Variants in NT5DC3 observed in about 807,000 individuals in gnomAD.
NT5DC3 encodes the protein 5'-nucleotidase domain-containing protein 3.
Under a neutral mutation model 67.8 loss-of-function variants are expected in NT5DC3, and 42 were observed. That is an observed-to-expected ratio of 0.62 (90% confidence interval 0.48 to 0.80). NT5DC3 has a LOEUF of 0.80. Among genes scored for constraint, NT5DC3 ranks in the 30% least tolerant of loss-of-function variants. NT5DC3 has a pLI of 0.00. For missense variants in NT5DC3, 570 were observed against 696.4 expected (o/e 0.82, Z 2.04); for synonymous variants, 237 against 255.6 (o/e 0.93, Z 0.69).
chr12:103,763,335 G>A, the NT5DC3 span: 1 of 652,378 alleles, frequency 1.5e-6, no homozygotes, highest in South Asian at 1.8e-5. Context: ...TCTAAAGGTT[G>A]GTAAATTTTA....
chr12:103,764,332 G>A, the NT5DC3 span, among the ~76,000 whole-genome samples: 3 of 152,164 alleles, frequency 2.0e-5, no homozygotes, highest in African/African-American at 7.2e-5. Context: ...CTGCTTTCTT[G>A]CTTTTGGAGC....
intron 5 of NT5DC3, among the ~76,000 whole-genome samples, chr12:103,797,384 C>T (rs1886364844): frequency 2.6e-5 from 4 of 151,436 alleles, no homozygotes; most frequent in Non-Finnish European, 5.9e-5. Context: ...GCAGGAGAAT[C>T]GCTTGAACCC....
At chr12:103,752,863 A>G in the NT5DC3 span, among the ~76,000 whole-genome samples, 1 of 152,240 alleles carries the variant, frequency 6.6e-6, no homozygotes, top group Non-Finnish European at 1.5e-5. Flanking sequence ...AAAGAATGTC[A>G]AATTATATCA....
chr12:103,810,202 C>A (rs558046484), intron 2 of NT5DC3, among the ~76,000 whole-genome samples: 2 of 152,170 alleles, frequency 1.3e-5, no homozygotes, highest in South Asian at 4.1e-4. Flanking sequence ...CTCTTCTAGT[C>A]GAACCATTTT....
the NT5DC3 span, among the ~76,000 whole-genome samples, chr12:103,764,845 C>A: frequency 1.3e-5 from 2 of 151,920 alleles, no homozygotes; most frequent in African/African-American, 4.8e-5. Flanking sequence ...TGCGTGTAAT[C>A]CCAGCACTTT....
the NT5DC3 span, among the ~76,000 whole-genome samples, chr12:103,763,083 G>GA: frequency 6.6e-6 from 1 of 152,224 alleles, no homozygotes; most frequent in Non-Finnish European, 1.5e-5. Flanking sequence ...AAGCTCCAGG[G>GA]AAAATCTCAA....
rs77512214 is a variant in NT5DC3 at position 103,806,398 on chromosome 12, G to A, written c.469-21C>T. ...ACTGCCTTTAAAAACATAAACATAT[G>A]CACATGTAAATAATGTATGACTATT... On this transcript the variant is annotated intron_variant, in intron 3 of 13. Coordinates refer to ENST00000392876, the MANE Select transcript of NT5DC3 (RefSeq NM_001031701.3). 1.7e-3 allele frequency: 2,638 copies of A among 1,534,650 alleles called. 29 individuals are homozygous for A. The African/African-American group carries it at 0.027, about 16-fold the overall frequency.
the NT5DC3 span, chr12:103,753,172 G>A: frequency 6.2e-7 from 1 of 1,605,948 alleles, no homozygotes; most frequent in South Asian, 1.1e-5. Context: ...TGGAAACACT[G>A]CCAACCTGGT....
intron 1 of NT5DC3, among the ~76,000 whole-genome samples, chr12:103,833,469 T>A (rs1192643538): frequency 6.6e-6 from 1 of 152,166 alleles, no homozygotes; most frequent in African/African-American, 2.4e-5. Context: ...GAATTATTAT[T>A]ATCCTTGTGT....
intron 11 of NT5DC3, 146 bp from the exon 12 acceptor site, chr12:103,785,621 A>G: frequency 3.6e-6 from 3 of 835,100 alleles, no homozygotes; most frequent in Non-Finnish European, 5.9e-6. Flanking sequence ...AATGAATTAC[A>G]TTTAATTAAA....
chr12:103,752,516 G>A, the NT5DC3 span, among the ~76,000 whole-genome samples: 4 of 152,164 alleles, frequency 2.6e-5, no homozygotes, highest in Non-Finnish European at 4.4e-5. Context: ...GTTTGGTTAG[G>A]AAAGGTATCA....
chr12:103,758,101 CCTT>C, the NT5DC3 span: 5 of 1,602,416 alleles, frequency 3.1e-6, no homozygotes, highest in South Asian at 1.1e-5. Context: ...TGCCCTGGGA[CCTT>C]CTTCAGCCAC....
At chr12:103,755,235 A>G in the NT5DC3 span, 2 of 1,579,920 alleles carry the variant, frequency 1.3e-6, no homozygotes, top group African/African-American at 1.3e-5. Flanking sequence ...GGAATCAGAC[A>G]TTAACCAAGT....
chr12:103,806,268 C>T, intron 4 of NT5DC3, 54 bp downstream of exon 4: 8 of 1,174,928 alleles, frequency 6.8e-6, no homozygotes, highest in Non-Finnish European at 9.0e-6. Context: ...GGTCCTGAAA[C>T]CCAAAGCACC....
chr12:103,840,623 G>A (rs1345285450), intron 1 of NT5DC3, among the ~76,000 whole-genome samples: 2 of 152,140 alleles, frequency 1.3e-5, no homozygotes, highest in Non-Finnish European at 2.9e-5. Context: ...CGGCTCCCAA[G>A]GGAGGCCTGA....
At chr12:103,801,575 GT>G (rs1886584614) in intron 4 of NT5DC3, among the ~76,000 whole-genome samples, 1 of 151,562 alleles carries the variant, frequency 6.6e-6, no homozygotes, top group Non-Finnish European at 1.5e-5. Context: ...GAGAGACGGG[GT>G]TTCACCATGT....
At chr12:103,771,619 AG>A (rs1885184132), downstream of NT5DC3, among the ~76,000 whole-genome samples, 3 of 152,280 alleles carry the variant, frequency 2.0e-5, no homozygotes, top group East Asian at 5.8e-4. Flanking sequence ...AATTGTCCCC[AG>A]GGGGCACTGC....
chr12:103,766,949 G>A (rs1334067601), downstream of NT5DC3: 1 of 152,818 alleles, frequency 6.5e-6, no homozygotes, highest in Non-Finnish European at 1.5e-5. Flanking sequence ...TGGAAAGGAT[G>A]TGGAGAAAAT....
downstream of NT5DC3, chr12:103,766,158 C>T (rs114592175): frequency 0.015 from 18,756 of 1,284,156 alleles, 969 homozygotes; most frequent in East Asian, 0.16. Flanking sequence ...CACAAACAAA[C>T]ACGCCCAGCA....
Sources: allele counts gnomAD v4.1 joint callset (sites outside exome capture counted in the v4.1 genomes callset), GRCh38; gene constraint gnomAD v4.1.1; transcripts MANE v1.5; gene names NCBI Gene and HGNC (gene_info 2026-07-23, HGNC 2026-07-21).